Variants in RHEB observed in about 807,000 individuals in gnomAD.
The protein encoded by RHEB is Ras homolog, mTORC1 binding.
Under a neutral mutation model 28.8 loss-of-function variants are expected in RHEB, and 2 were observed. That is an observed-to-expected ratio of 0.07 (90% CI 0.03 to 0.22). The LOEUF is 0.22. RHEB is among the 10% of genes least tolerant of loss of function. The pLI is 1.00. For synonymous variants in RHEB, 69 were observed against 77.3 expected (o/e 0.89, Z 0.56); for missense variants, 76 against 219.9 (o/e 0.35, Z 4.14).
At chr7:151,483,255 T>C (rs1024076720) in intron 3 of RHEB, among the ~76,000 whole-genome samples, 20 of 152,194 alleles carry the variant, frequency 1.3e-4, no homozygotes, top group Non-Finnish European at 2.4e-4. Context: ...CCTTCTATGT[T>C]TACTTCAAAA....
chr7:151,504,466 T>C (rs1802831425), intron 1 of RHEB, among the ~76,000 whole-genome samples: 1 of 152,140 alleles, frequency 6.6e-6, no homozygotes, highest in Non-Finnish European at 1.5e-5. Context: ...CGGCCCTCCA[T>C]ACATGTGGGC....
intron 4 of RHEB, among the ~76,000 whole-genome samples, chr7:151,476,739 C>T (rs1304896160): frequency 6.6e-6 from 1 of 152,206 alleles, no homozygotes; most frequent in Non-Finnish European, 1.5e-5. Context: ...GTCACCAATG[C>T]CCAGAGCTCC....
In RHEB at chr7:151,507,691, A is replaced by C. The variant is rs186842016; in HGVS notation, c.52+11769T>G. 2.0e-5 allele frequency among the ~76,000 whole-genome samples: 3 copies of C among 152,352 alleles called. No homozygotes were observed. The East Asian group carries it at 5.8e-4, about 29-fold the overall frequency. ...AATAGATGCTGGGAGATTTTAAAAAAAAGAAAAAATTAAACTGCAATTATT... is the reference window on the plus strand; with the variant it reads ...AATAGATGCTGGGAGATTTTAAAAACAAGAAAAAATTAAACTGCAATTATT... On this transcript the variant is annotated intron_variant, in intron 1 of 7. Coordinates refer to ENST00000262187, the MANE Select transcript of RHEB (RefSeq NM_005614.4).
At chr7:151,471,828 A>G (rs1428534431) in intron 4 of RHEB, 4 of 479,534 alleles carry the variant, frequency 8.3e-6, no homozygotes, top group Non-Finnish European at 1.1e-5. Flanking sequence ...TGAAACAGGT[A>G]AGGCATTCAA....
Position 151,514,645 on chromosome 7 carries a change from G to A in RHEB, c.52+4815C>T, listed in dbSNP as rs562332898. Among the ~76,000 whole-genome samples, 85 of 152,290 alleles carry A rather than the reference G, an allele frequency of 5.6e-4. 6 individuals are homozygous for A. The South Asian group carries it at 0.017, about 31-fold the overall frequency. On this transcript the variant is annotated intron_variant, in intron 1 of 7. Coordinates refer to ENST00000262187, the MANE Select transcript of RHEB (RefSeq NM_005614.4). The stretch of plus-strand genomic sequence containing the variant: ...TATTAAGCACAGAGTTAACCATAAT[G>A]ACCCAGCAATTCCACTCCTAGGAAT...
chr7:151,506,805 C>T lies in RHEB; in HGVS notation c.52+12655G>A, dbSNP rs145465398. On this transcript the variant is annotated intron_variant, in intron 1 of 7. Transcript: ENST00000262187. ...CATGTGCTCATGGTTCTACAGTCAA[C>T]GCTGGGCTCACTTTTAGTTTACTCT... Among the ~76,000 whole-genome samples the T allele has an allele frequency of 1.3e-3, 192 of 152,290 alleles. 1 individual carries two copies. Among genetic ancestry groups the T allele is most frequent in the Admixed American group, 2.2e-3 (33 of 15,298 alleles).
chr7:151,468,662 C>T lies in RHEB; in HGVS notation c.463-1451G>A, dbSNP rs1355997811. On this transcript the variant is annotated intron_variant, in intron 7 of 7. Transcript: ENST00000262187. This position sits in a 1 kb window ranked among gnomAD's most constrained non-coding sequence, Gnocchi z 4.3. ...AAGCCACATTCATGAAAGAACTCCA[C>T]ATCCTCCATCCACCAAGCTGACCCA... Among the ~76,000 whole-genome samples, 1 of 152,270 alleles carries T rather than the reference C, an allele frequency of 6.6e-6. No individual in the cohort carries two copies. The highest frequency in any genetic ancestry group is 1.5e-5 in the Non-Finnish European group (1 of 68,048).
intron 1 of RHEB, chr7:151,519,203 C>T (rs1803136747): frequency 5.8e-6 from 1 of 171,698 alleles, no homozygotes; most frequent in Non-Finnish European, 1.2e-5. Flanking sequence ...CGCCCCGCGC[C>T]TCCCACGCCC....
chr7:151,483,570 T>C (rs897813016), intron 3 of RHEB, among the ~76,000 whole-genome samples: 7 of 152,124 alleles, frequency 4.6e-5, no homozygotes, highest in Non-Finnish European at 8.8e-5. Context: ...AATACAAAAT[T>C]AGCCGGGTGT....
intron 7 of RHEB, 102 bp downstream of exon 7, chr7:151,470,469 A>C (rs1210972066): frequency 1.4e-6 from 1 of 723,692 alleles, no homozygotes; most frequent in Non-Finnish European, 2.4e-6. Flanking sequence ...GCCAGATGTT[A>C]CACAGGAGTG....
intron 1 of RHEB, among the ~76,000 whole-genome samples, chr7:151,517,566 A>G (rs1211415758): frequency 2.0e-5 from 3 of 151,920 alleles, no homozygotes; most frequent in Non-Finnish European, 4.4e-5. Flanking sequence ...AGTATTTAAC[A>G]AGCAACAGTT....
At chr7:151,491,565 G>T (rs1334630407) in intron 1 of RHEB, among the ~76,000 whole-genome samples, 1 of 151,952 alleles carries the variant, frequency 6.6e-6, no homozygotes, top group Admixed American at 6.6e-5. Context: ...GCGAAATCCC[G>T]TCTCTACTAA....
intron 1 of RHEB, among the ~76,000 whole-genome samples, chr7:151,511,181 T>C (rs1012059793): frequency 6.6e-6 from 1 of 152,192 alleles, no homozygotes; most frequent in African/African-American, 2.4e-5. Context: ...CATAAAACTG[T>C]ATTAACTGTA....
At chr7:151,489,849 G>A (rs1802547499) in intron 2 of RHEB, among the ~76,000 whole-genome samples, 1 of 152,238 alleles carries the variant, frequency 6.6e-6, no homozygotes, top group African/African-American at 2.4e-5. Flanking sequence ...TATAAAGACA[G>A]GAAATGGGCC....
chr7:151,470,477 G>T, intron 7 of RHEB, 94 bp downstream of exon 7: 2 of 774,668 alleles, frequency 2.6e-6, no homozygotes, highest in South Asian at 3.3e-5. Flanking sequence ...TTACACAGGA[G>T]TGATCAAGAC....
chr7:151,491,757 C>A (rs964739301), intron 1 of RHEB, among the ~76,000 whole-genome samples: 2 of 151,664 alleles, frequency 1.3e-5, no homozygotes, highest in African/African-American at 4.8e-5. Context: ...AAAGGGTAAT[C>A]TGAAAATATG....
In RHEB at chr7:151,468,299, A is replaced by G. The variant is rs1354096637; in HGVS notation, c.463-1088T>C. On this transcript the variant is annotated intron_variant, in intron 7 of 7. Coordinates refer to ENST00000262187, the MANE Select transcript of RHEB (RefSeq NM_005614.4). The surrounding 1 kb of genome is among the most constrained non-coding windows in gnomAD (Gnocchi z 4.3). ...ATTACATCTCCCCTGTCCCTTAACC[A>G]CTTCTTGCTGCTCCTTTCCCTCTCG... 6.6e-6 allele frequency among the ~76,000 whole-genome samples: 1 copy of G among 151,886 alleles called. No homozygotes were observed. The highest frequency in any genetic ancestry group is 2.4e-5 in the African/African-American group (1 of 41,334).
chr7:151,478,734 C>T (rs1802319780), intron 3 of RHEB, among the ~76,000 whole-genome samples: 2 of 152,088 alleles, frequency 1.3e-5, no homozygotes, highest in Non-Finnish European at 2.9e-5. Context: ...CTCTCAGGTT[C>T]AAGCGATTCT....
At chr7:151,479,766 A>G (rs536544991) in intron 3 of RHEB, among the ~76,000 whole-genome samples, 1 of 152,280 alleles carries the variant, frequency 6.6e-6, no homozygotes, top group African/African-American at 2.4e-5. Context: ...AATAAAAACC[A>G]TAAATAAAAG....
Sources: allele counts gnomAD v4.1 joint callset (sites outside exome capture counted in the v4.1 genomes callset), GRCh38; gene constraint gnomAD v4.1.1; non-coding constraint Gnocchi (gnomAD v3.1); transcripts MANE v1.5; gene names NCBI Gene and HGNC (gene_info 2026-07-23, HGNC 2026-07-21).